Variants in GMDS observed in about 807,000 individuals in gnomAD.
GMDS encodes the protein GDP-mannose 4,6-dehydratase, also known as GDP-mannose 4,6 dehydratase.
In GMDS, 20 loss-of-function variants were observed where a neutral mutation model predicts 49.9. That is an observed-to-expected ratio of 0.40 (90% confidence interval 0.28 to 0.58). The LOEUF (loss-of-function observed/expected upper bound fraction) is 0.58. GMDS is among the 20% of genes least tolerant of loss of function. The pLI is 0.42. For missense variants in GMDS, 362 were observed against 481.4 expected, an observed-to-expected ratio of 0.75 and a Z score of 2.32; for synonymous variants, 177 against 178.6, an observed-to-expected ratio of 0.99 and a Z score of 0.07.
intron 8 of GMDS, among the ~76,000 whole-genome samples, chr6:1,738,072 CCACA>C (rs1561769726): frequency 7.4e-6 from 1 of 135,182 alleles, no homozygotes; most frequent in Non-Finnish European, 1.6e-5. Context: ...TACACACATA[CCACA>C]CACACACCAC....
chr6:2,020,039 G>A (rs955093431), intron 4 of GMDS, among the ~76,000 whole-genome samples: 2 of 151,998 alleles, frequency 1.3e-5, no homozygotes, highest in African/African-American at 4.8e-5. Flanking sequence ...TTAGTATATT[G>A]TTTTCTTGTG....
chr6:2,026,474 A>ACG (rs1301774647), intron 4 of GMDS, among the ~76,000 whole-genome samples: 1 of 152,260 alleles, frequency 6.6e-6, no homozygotes, highest in African/African-American at 2.4e-5. Flanking sequence ...AGAAGGGTTA[A>ACG]CGCACACATC....
chr6:2,191,884 A>G lies in GMDS; in HGVS notation c.102+53437T>C, dbSNP rs1779035943. On this transcript the variant is annotated intron_variant, in intron 1 of 10. Transcript: ENST00000380815. This position sits in a 1 kb window ranked among gnomAD's most constrained non-coding sequence, Gnocchi z 4.6. ...GGCCAGGGAGGGCATGAAGGCTGGG[A>G]GCCAGGCCACCAGTCCCACAGACCA... Among the ~76,000 whole-genome samples the G allele has an allele frequency of 6.6e-6, 1 of 152,142 alleles. No homozygotes were observed. Among genetic ancestry groups the G allele is most frequent in the Non-Finnish European group, 1.5e-5 (1 of 67,998 alleles).
intron 4 of GMDS, among the ~76,000 whole-genome samples, chr6:1,976,678 T>C (rs532737894): frequency 4.6e-5 from 7 of 152,192 alleles, no homozygotes; most frequent in Non-Finnish European, 7.3e-5. Context: ...ATGATAATAG[T>C]ATACTGGTAT....
chr6:2,086,354 G>T (rs1232844204), intron 4 of GMDS, among the ~76,000 whole-genome samples: 2 of 152,136 alleles, frequency 1.3e-5, no homozygotes, highest in Non-Finnish European at 2.9e-5. Context: ...ACAAGTCAAA[G>T]ACATTGATCT....
intron 2 of GMDS, among the ~76,000 whole-genome samples, chr6:2,122,237 T>G (rs769807249): frequency 6.6e-6 from 1 of 152,192 alleles, no homozygotes; most frequent in Non-Finnish European, 1.5e-5. Context: ...GGTTTCTCTA[T>G]CTGTAGTACC....
chr6:2,081,864 A>G (rs1182677061), intron 4 of GMDS, among the ~76,000 whole-genome samples: 9 of 152,066 alleles, frequency 5.9e-5, no homozygotes, highest in African/African-American at 2.2e-4. Flanking sequence ...CCCTCTCTCA[A>G]GCAAAAAGAT....
chr6:1,629,490 G>C (rs990493400), intron 9 of GMDS, among the ~76,000 whole-genome samples: 15 of 152,206 alleles, frequency 9.9e-5, no homozygotes, highest in Non-Finnish European at 4.4e-5. Context: ...CAGGGAAATG[G>C]AGTCAGTCAG....
chr6:1,999,986 T>TATATATATTATATATATA lies in GMDS; in HGVS notation c.346-39021_346-39020insTATATATATAATATATAT, dbSNP rs1766632889. The stretch of plus-strand genomic sequence containing the variant: ...ATATATATATTATATATATATTTTA[T>TATATATATTATATATATA]ATATATATATTATATATATATATTT... On this transcript the variant is annotated intron_variant, in intron 4 of 10. Transcript: ENST00000380815. Among the ~76,000 whole-genome samples the TATATATATTATATATATA allele has an allele frequency of 1.0e-3, 15 of 14,360 alleles. 2 individuals are homozygous for TATATATATTATATATATA. Among genetic ancestry groups the TATATATATTATATATATA allele is most frequent in the Non-Finnish European group, 1.8e-3 (14 of 7,986 alleles). 9.4% of individuals were successfully genotyped at this position (14,360 alleles called of 152,430 possible). A position where few individuals can be genotyped will look rare whatever the true frequency, so the allele number is the denominator to read the frequency against.
At chr6:1,684,189 G>C (rs1370591176) in intron 9 of GMDS, among the ~76,000 whole-genome samples, 1 of 152,138 alleles carries the variant, frequency 6.6e-6, no homozygotes, top group African/African-American at 2.4e-5. Context: ...TCACCGTGCT[G>C]TGTGAGCATC....
chr6:2,109,350 T>C (rs1020916095), intron 4 of GMDS, among the ~76,000 whole-genome samples: 1 of 152,130 alleles, frequency 6.6e-6, no homozygotes, highest in Non-Finnish European at 1.5e-5. Flanking sequence ...ACGGAGAAGC[T>C]GATGCTTAAG....
chr6:1,796,116 C>A (rs1292393438), intron 7 of GMDS, among the ~76,000 whole-genome samples: 3 of 152,168 alleles, frequency 2.0e-5, no homozygotes, highest in African/African-American at 7.2e-5. Flanking sequence ...CCCACAGGAC[C>A]TGGAGGGCTC....
At position 1,738,530 on chromosome 6, in the gene GMDS, G is replaced by A. The variant is rs1767137592; in HGVS notation, c.890+3938C>T. On this transcript the variant is annotated intron_variant, in intron 8 of 10. Coordinates refer to ENST00000380815, the MANE Select transcript of GMDS (RefSeq NM_001500.4). ...ATTACAACGGATAAATTTTAAAAAC[G>A]ATAACAAAAATGGGAAGAGACAGCA... 3.3e-5 allele frequency among the ~76,000 whole-genome samples: 5 copies of A among 152,146 alleles called. No individual in the cohort carries two copies. The South Asian group carries it at 1.0e-3, about 32-fold the overall frequency.
At chr6:1,642,856 G>A (rs1763372766) in intron 9 of GMDS, among the ~76,000 whole-genome samples, 1 of 152,226 alleles carries the variant, frequency 6.6e-6, no homozygotes, top group South Asian at 2.1e-4. Context: ...TGCTCCTAAA[G>A]CCGGGCCCCA....
At chr6:1,963,652 G>A (rs1764097741) in intron 4 of GMDS, among the ~76,000 whole-genome samples, 2 of 152,186 alleles carry the variant, frequency 1.3e-5, no homozygotes, top group East Asian at 1.9e-4. Context: ...TTTCCCTGTT[G>A]AATGGTTTTT....
chr6:2,092,142 C>T (rs1192366328), intron 4 of GMDS, among the ~76,000 whole-genome samples: 1 of 152,118 alleles, frequency 6.6e-6, no homozygotes, highest in Non-Finnish European at 1.5e-5. Context: ...AGACTTTCAA[C>T]TAGAGTTGTT....
intron 9 of GMDS, among the ~76,000 whole-genome samples, chr6:1,685,504 AAC>A (rs1198432944): frequency 2.0e-5 from 3 of 152,148 alleles, no homozygotes; most frequent in Non-Finnish European, 4.4e-5. Context: ...AATTAAAAAA[AAC>A]TGTTTAATCT....
chr6:2,221,294 C>T (rs184977407), intron 1 of GMDS, among the ~76,000 whole-genome samples: 634 of 152,264 alleles, frequency 4.2e-3, no homozygotes, highest in Middle Eastern at 0.01. Context: ...ATGATTTATC[C>T]ATCTGTTTTG....
rs7744168 is a variant in GMDS, at chr6:1,885,869, G to A, written c.771+44234C>T. On this transcript the variant is annotated intron_variant, in intron 7 of 10. Coordinates refer to ENST00000380815, the MANE Select transcript of GMDS (RefSeq NM_001500.4). ...TTTTACCCTTTCCTCTTGTTCCACAGCTCAAAACAAAGGAGTCTTCTGAAC... is the reference window on the plus strand; with the variant it reads ...TTTTACCCTTTCCTCTTGTTCCACAACTCAAAACAAAGGAGTCTTCTGAAC... 3.1e-3 allele frequency among the ~76,000 whole-genome samples: 475 copies of A among 152,316 alleles called. 3 individuals are homozygous for A. The highest frequency in any genetic ancestry group is 0.011 in the African/African-American group (454 of 41,566).
Sources: allele counts gnomAD v4.1 joint callset (sites outside exome capture counted in the v4.1 genomes callset), GRCh38; gene constraint gnomAD v4.1.1; non-coding constraint Gnocchi (gnomAD v3.1); transcripts MANE v1.5; gene names NCBI Gene and HGNC (gene_info 2026-07-23, HGNC 2026-07-21).